SASH1: variants seen among roughly 807,000 people sequenced by gnomAD.
SASH1 encodes the protein SAM and SH3 domain-containing protein 1.
A neutral mutation model predicts 125.2 loss-of-function variants in SASH1; 44 were observed. The ratio of observed to expected loss-of-function variants is 0.35; its 90% CI spans 0.28 to 0.45. The LOEUF is 0.45. Ranked by LOEUF, SASH1 falls within the 20% of genes least tolerant of loss-of-function variation. The probability of loss-of-function intolerance (pLI) is 1.00; values close to 1 mark genes in which losing one functional copy is unlikely to be tolerated. For missense variants in SASH1, 1,426 were observed against 1,614.5 expected (o/e 0.88, Z 2.00); for synonymous variants, 639 against 649.1 (o/e 0.98, Z 0.24).
intron 8 of SASH1, among the ~76,000 whole-genome samples, chr6:148,496,648 T>G (rs1779322112): frequency 6.6e-6 from 1 of 152,200 alleles, no homozygotes; most frequent in Admixed American, 6.5e-5. Flanking sequence ...TGCCAGCACT[T>G]TGGGACGCTG....
upstream of SASH1, among the ~76,000 whole-genome samples, chr6:148,267,362 A>G (rs1778971385): frequency 1.6e-5 from 1 of 61,610 alleles, no homozygotes; most frequent in African/African-American, 6.8e-5. Context: ...GCCCAGTACT[A>G]CTTTGTGTGT....
intron 8 of SASH1, among the ~76,000 whole-genome samples, chr6:148,489,728 G>T (rs1251980445): frequency 6.6e-6 from 1 of 151,630 alleles, no homozygotes; most frequent in Non-Finnish European, 1.5e-5. Context: ...TGATGTTATT[G>T]TAAGTGACAA....
intron 10 of SASH1, 38 bp from the exon 11 acceptor site, chr6:148,525,253 A>G (rs1224744901): frequency 8.3e-6 from 13 of 1,566,526 alleles, no homozygotes; most frequent in South Asian, 5.6e-5. Flanking sequence ...TGGCTTAAGC[A>G]TAACTGAAGT....
intron 7 of SASH1, among the ~76,000 whole-genome samples, chr6:148,474,620 G>C (rs1219633438): frequency 6.6e-6 from 1 of 152,188 alleles, no homozygotes; most frequent in Non-Finnish European, 1.5e-5. Context: ...TGCCCAGACT[G>C]TAGTGCAGTG....
chr6:148,295,140 T>C (rs1779734620), intron 1 of SASH1, among the ~76,000 whole-genome samples: 1 of 152,108 alleles, frequency 6.6e-6, no homozygotes, highest in African/African-American at 2.4e-5. Flanking sequence ...ATTTTATAGA[T>C]GAGTAAACTG....
At chr6:148,458,549 G>T (rs1212036131) in intron 4 of SASH1, among the ~76,000 whole-genome samples, 1 of 152,190 alleles carries the variant, frequency 6.6e-6, no homozygotes, top group Non-Finnish European at 1.5e-5. Context: ...GCCATGTCGT[G>T]TGCAGTTTAC....
At chr6:148,440,736 A>G in intron 4 of SASH1, 1 of 284,292 alleles carries the variant, frequency 3.5e-6, no homozygotes, top group South Asian at 7.4e-5. Context: ...TTTTTAATGT[A>G]GGATAAAAGT....
At chr6:148,440,050 T>C (rs1442394385) in intron 2 of SASH1, 134 bp from the exon 3 acceptor site, 7 of 715,104 alleles carry the variant, frequency 9.8e-6, no homozygotes. Context: ...AAAATCTGTT[T>C]ATCTCTGCCA....
intron 2 of SASH1, among the ~76,000 whole-genome samples, chr6:148,427,876 G>A (rs1487823121): frequency 1.3e-5 from 2 of 152,174 alleles, no homozygotes; most frequent in East Asian, 1.9e-4. Context: ...ATGCTCCTCC[G>A]CTTTCATTCG....
At chr6:148,286,405 A>T (rs138032110) in intron 1 of SASH1, among the ~76,000 whole-genome samples, 154 of 152,066 alleles carry the variant, frequency 1.0e-3, no homozygotes, top group African/African-American at 3.5e-3. Context: ...CATCTCAAAA[A>T]AAAAAAAAAG....
At chr6:148,233,410 C>T in the SASH1 span, among the ~76,000 whole-genome samples, 3 of 151,930 alleles carry the variant, frequency 2.0e-5, no homozygotes, top group African/African-American at 7.3e-5. Flanking sequence ...CAGTGTCCAC[C>T]TTTTTTCCTT....
At chr6:148,335,606 A>C (rs1781133196) in intron 1 of SASH1, among the ~76,000 whole-genome samples, 1 of 152,096 alleles carries the variant, frequency 6.6e-6, no homozygotes, top group East Asian at 1.9e-4. Context: ...GCAAGAAAGG[A>C]GCAGGGAGGG....
intron 2 of SASH1, among the ~76,000 whole-genome samples, chr6:148,401,241 G>A (rs1261711743): frequency 1.1e-4 from 16 of 148,030 alleles, no homozygotes; most frequent in Non-Finnish European, 1.9e-4. Flanking sequence ...GCAACAGAAT[G>A]AGACCCTATC....
At chr6:148,216,980 G>C in the SASH1 span, among the ~76,000 whole-genome samples, 11 of 152,054 alleles carry the variant, frequency 7.2e-5, no homozygotes, top group Admixed American at 5.9e-4. Context: ...TCCTGCCTCG[G>C]CTTCCCAGAG....
chr6:148,537,634 T>C (rs553827070), intron 16 of SASH1, among the ~76,000 whole-genome samples: 1 of 152,360 alleles, frequency 6.6e-6, no homozygotes, highest in East Asian at 1.9e-4. Flanking sequence ...AAATATGGTG[T>C]AAGCCCACAG....
At chr6:148,371,266 G>A (rs1782690228) in intron 1 of SASH1, among the ~76,000 whole-genome samples, 1 of 151,962 alleles carries the variant, frequency 6.6e-6, no homozygotes, top group African/African-American at 2.4e-5. Context: ...TATCTATGGA[G>A]CACCTAGTTG....
At chr6:148,421,146 G>GAAGGAAGGAAGGAAGGAAGGAAGAAAGA (rs1554254949) in intron 2 of SASH1, among the ~76,000 whole-genome samples, 2 of 71,242 alleles carry the variant, frequency 2.8e-5, no homozygotes, top group Admixed American at 2.9e-4. Context: ...AGGAAGGAAG[G>GAAGGAAGGAAGGAAGGAAGGAAGAAAGA]AAGAAAGAAA....
chr6:148,474,773 T>C (rs1457468979), intron 7 of SASH1, among the ~76,000 whole-genome samples: 1 of 152,158 alleles, frequency 6.6e-6, no homozygotes, highest in South Asian at 2.1e-4. Context: ...GGTCTCTTCA[T>C]GTTGCCCAGG....
rs369655037 is a variant in SASH1, at chr6:148,532,905, G to A, written c.1673G>A (p.Arg558His). 19 of 1,614,194 alleles carry A rather than the reference G, an allele frequency of 1.2e-5. No individual in the cohort carries two copies. The highest frequency in any genetic ancestry group is 1.6e-4 in the Middle Eastern group (1 of 6,062). Residue 558 changes from arginine to histidine, a missense_variant, in exon 14 of 20, where the codon CGT (arginine) becomes CAT (histidine). This residue lies in a region of SASH1 where 225 missense variants were observed against 344.5 expected (regional missense o/e 0.65). Coordinates refer to ENST00000367467, the MANE Select transcript of SASH1 (RefSeq NM_015278.5). This position sits in a 1 kb window ranked among gnomAD's most constrained non-coding sequence, Gnocchi z 4.7. Reference protein sequence around the residue: ...EPPYRGPFCGRARVHTDFTPS... With the variant: ...EPPYRGPFCGHARVHTDFTPS... ...CCTTACCGAGGCCCGTTCTGCGGGC[G>A]TGCCAGGGTGCACACCGACTTCACC... is the stretch of plus-strand genomic sequence containing the variant.
Sources: allele counts gnomAD v4.1 joint callset (sites outside exome capture counted in the v4.1 genomes callset), GRCh38; gene constraint gnomAD v4.1.1; regional missense constraint gnomAD v4.1.1; non-coding constraint Gnocchi (gnomAD v3.1); transcripts MANE v1.5; gene names NCBI Gene and HGNC (gene_info 2026-07-23, HGNC 2026-07-21).